EDDM13: variants seen among roughly 807,000 people sequenced by gnomAD.
EDDM13 encodes the protein epididymal protein 13.
In EDDM13, 24 loss-of-function variants were observed where a neutral mutation model predicts 17.8. The ratio of observed to expected loss-of-function variants is 1.35; its 90% CI spans 0.98 to 1.90. The LOEUF is 1.90. Ranked by LOEUF, EDDM13 falls within the 40% of genes most tolerant of loss-of-function variation. The pLI, the probability that EDDM13 is intolerant of heterozygous loss-of-function variation, is 0.00. For synonymous variants in EDDM13, 31 were observed against 37.5 expected (o/e 0.83, Z 0.63); for missense variants, 97 against 100.8 (o/e 0.96, Z 0.16).
chr19:56,306,058 C>T (rs2040665286), intron 14 of EDDM13, among the ~76,000 whole-genome samples: 4 of 152,178 alleles, frequency 2.6e-5, no homozygotes, highest in Middle Eastern at 6.8e-3. Flanking sequence ...AAGATTAGAG[C>T]AAGCATTTTA....
At chr19:56,290,733 C>T (rs907234113) in intron 8 of EDDM13, among the ~76,000 whole-genome samples, 108 bp from the exon 9 acceptor site, 10 of 152,102 alleles carry the variant, frequency 6.6e-5, no homozygotes, top group African/African-American at 2.2e-4. Flanking sequence ...AATAGTTTTA[C>T]GATATTGAAT....
chr19:56,298,585 G>A (rs1042077712), intron 12 of EDDM13, among the ~76,000 whole-genome samples: 10 of 151,672 alleles, frequency 6.6e-5, no homozygotes, highest in South Asian at 4.2e-4. Flanking sequence ...CCTGGGAGGC[G>A]GAAGCTGCAG....
At chr19:56,297,908 T>C (rs2039981259) in intron 12 of EDDM13, 1 of 152,060 alleles carries the variant, frequency 6.6e-6, no homozygotes, top group Non-Finnish European at 1.5e-5. Context: ...ATGGTGGAGA[T>C]GAGCGTTTTA....
chr19:56,284,111 G>A (rs961083024), intron 4 of EDDM13, 87 bp from the exon 5 acceptor site: 70 of 975,824 alleles, frequency 7.2e-5, no homozygotes, highest in African/African-American at 1.2e-4. Context: ...TTATGGCTTC[G>A]TCTTTGTGAC....
intron 9 of EDDM13, among the ~76,000 whole-genome samples, chr19:56,291,242 C>T: frequency 6.6e-6 from 1 of 152,212 alleles, no homozygotes; most frequent in South Asian, 2.1e-4. Context: ...AAGCTCCCTC[C>T]TGACCCTCGG....
intron 8 of EDDM13, among the ~76,000 whole-genome samples, chr19:56,289,853 A>G (rs1260597741): frequency 1.3e-5 from 2 of 152,116 alleles, no homozygotes; most frequent in African/African-American, 4.8e-5. Context: ...GGCTCAAGCA[A>G]TCTTCCCATC....
chr19:56,301,305 G>A (rs760228324), intron 12 of EDDM13, among the ~76,000 whole-genome samples: 9 of 152,082 alleles, frequency 5.9e-5, no homozygotes, highest in Non-Finnish European at 1.2e-4. Flanking sequence ...GGAAGGAGTG[G>A]AGATTTCCTG....
chr19:56,274,764 T>TGTTTG (rs1555801754), intron 1 of EDDM13: 3 of 63,702 alleles, frequency 4.7e-5, no homozygotes, highest in Non-Finnish European at 1.7e-4. Flanking sequence ...TCAATTAAGT[T>TGTTTG]TTTTGTTTTG....
At chr19:56,302,223 T>C (rs377173243) in intron 13 of EDDM13, 128 bp downstream of exon 13, 4 of 504,664 alleles carry the variant, frequency 7.9e-6, no homozygotes, top group African/African-American at 7.9e-5. Flanking sequence ...GGAGAGCCCT[T>C]CTGTAAAACA....
At chr19:56,302,435 C>T (rs545032919) in intron 13 of EDDM13, among the ~76,000 whole-genome samples, 77 of 108,872 alleles carry the variant, frequency 7.1e-4, no homozygotes, top group East Asian at 5.2e-3. Flanking sequence ...TTTCTCCCTT[C>T]CTTCCTTTCT....
intron 9 of EDDM13, among the ~76,000 whole-genome samples, chr19:56,294,282 TCAC>T (rs1418548025): frequency 2.0e-5 from 3 of 152,196 alleles, no homozygotes; most frequent in African/African-American, 7.2e-5. Context: ...TCCCGGACCC[TCAC>T]ATTAACCCAG....
At chr19:56,288,299 C>G (rs111957127) in intron 6 of EDDM13, among the ~76,000 whole-genome samples, 86 bp from the exon 7 acceptor site, 1 of 152,174 alleles carries the variant, frequency 6.6e-6, no homozygotes, top group Admixed American at 6.5e-5. Context: ...CCCAGGAAGA[C>G]GCCCACATCG....
intron 14 of EDDM13, among the ~76,000 whole-genome samples, chr19:56,309,158 T>C (rs936984143): frequency 9.9e-5 from 15 of 152,192 alleles, no homozygotes; most frequent in African/African-American, 2.9e-4. Context: ...ACAACACGGC[T>C]GAACCTTGAA....
chr19:56,293,090 A>C (rs1264165366), intron 9 of EDDM13, among the ~76,000 whole-genome samples: 1 of 152,156 alleles, frequency 6.6e-6, no homozygotes, highest in Non-Finnish European at 1.5e-5. Context: ...ACCCACCTCC[A>C]AACCCCACTT....
intron 13 of EDDM13, chr19:56,302,890 G>C (rs2040440479): frequency 2.5e-6 from 1 of 398,530 alleles, no homozygotes; most frequent in South Asian, 1.3e-4. Context: ...GGACTCTGAT[G>C]GTTGAGCTAC....
At chr19:56,301,031 A>C (rs1233696191) in intron 12 of EDDM13, among the ~76,000 whole-genome samples, 4 of 152,170 alleles carry the variant, frequency 2.6e-5, no homozygotes, top group Admixed American at 2.6e-4. Flanking sequence ...CAGAGCCTGA[A>C]GCCTGGGGAT....
chr19:56,273,862 C>T (rs4801699), intron 1 of EDDM13, among the ~76,000 whole-genome samples: 134,025 of 152,132 alleles, frequency 0.88, 59,556 homozygotes, highest in Middle Eastern at 0.94. Flanking sequence ...TATTTAGGAG[C>T]GTGTGTGTGC....
chr19:56,277,758 G>T (rs555947768), intron 2 of EDDM13, among the ~76,000 whole-genome samples: 1 of 152,018 alleles, frequency 6.6e-6, no homozygotes, highest in Non-Finnish European at 1.5e-5. Context: ...CAGAAGGAAG[G>T]AGGGTGGCAG....
At chr19:56,298,082 AAGCC>A (rs2039995147) in intron 12 of EDDM13, 1 of 152,000 alleles carries the variant, frequency 6.6e-6, no homozygotes, top group African/African-American at 2.4e-5. Context: ...AAAAAAAAAA[AAGCC>A]AGAACAACAC....
Sources: gnomAD v4.1 joint callset for allele counts (sites outside exome capture counted in the v4.1 genomes callset) on GRCh38, gnomAD v4.1.1 for gene constraint, MANE v1.5 for transcripts, NCBI Gene and HGNC (gene_info 2026-07-23, HGNC 2026-07-21) for gene names.